Variants in NSUN2 observed in about 807,000 individuals in gnomAD.
The protein encoded by NSUN2 is NOP2/Sun RNA methyltransferase 2, also known as RNA cytosine C(5)-methyltransferase NSUN2.
Under a neutral mutation model 92.7 loss-of-function variants are expected in NSUN2, and 63 were observed. That is an observed-to-expected ratio of 0.68 (90% confidence interval 0.56 to 0.84). NSUN2 has a LOEUF of 0.84. NSUN2 is among the 40% of genes least tolerant of loss of function. The pLI is 0.00. For missense variants in NSUN2, 989 were observed against 964.9 expected (o/e 1.02, Z -0.33); for synonymous variants, 356 against 348.3 (o/e 1.02, Z -0.25).
intron 4 of NSUN2, among the ~76,000 whole-genome samples, chr5:6,625,363 A>G (rs988810434): frequency 6.6e-6 from 1 of 152,212 alleles, no homozygotes; most frequent in Non-Finnish European, 1.5e-5. Flanking sequence ...TCCTTACTAA[A>G]TTTCATGACT....
At chr5:6,624,576 T>C (rs1394849945) in intron 4 of NSUN2, among the ~76,000 whole-genome samples, 1 of 152,232 alleles carries the variant, frequency 6.6e-6, no homozygotes, top group Non-Finnish European at 1.5e-5. Context: ...TACTGATCTC[T>C]ATTTGGCCTT....
At chr5:6,624,654 T>C (rs535351417) in intron 4 of NSUN2, among the ~76,000 whole-genome samples, 2 of 152,220 alleles carry the variant, frequency 1.3e-5, no homozygotes, top group African/African-American at 2.4e-5. Context: ...AATGGGGTTA[T>C]GTGGCAGCAC....
chr5:6,605,438 C>A, intron 14 of NSUN2, 30 bp from the exon 15 acceptor site: 1 of 1,609,290 alleles, frequency 6.2e-7, no homozygotes, highest in East Asian at 2.2e-5. Context: ...TGTTTATCCA[C>A]AATGAGTTCA....
At chr5:6,621,488 C>G (rs549313) in intron 6 of NSUN2, 5,425 of 152,352 alleles carry the variant, frequency 0.036, 314 homozygotes, top group African/African-American at 0.12. Context: ...GTGGCTCACA[C>G]CTGTAATCCC....
intron 13 of NSUN2, 108 bp downstream of exon 13, chr5:6,607,092 T>C: frequency 3.4e-6 from 4 of 1,167,228 alleles, no homozygotes; most frequent in Non-Finnish European, 5.1e-6. Flanking sequence ...ATACCACACA[T>C]GTACTGCCCC....
At chr5:6,618,708 AC>A (rs1421158799) in intron 7 of NSUN2, among the ~76,000 whole-genome samples, 25 of 152,264 alleles carry the variant, frequency 1.6e-4, no homozygotes, top group Non-Finnish European at 5.9e-5. Context: ...CTGACTTTCT[AC>A]TTTTATTTAA....
rs1352159376 is a variant in NSUN2 at position 6,602,324 on chromosome 5, C to T, written c.1997+137G>A. On this transcript the variant is annotated intron_variant, in intron 18 of 18. Coordinates refer to ENST00000264670, the MANE Select transcript of NSUN2 (RefSeq NM_017755.6). The stretch of plus-strand genomic sequence containing the variant: ...GAATATTTTGGTTCTGAAGTTTTCA[C>T]AAGGCTACTTCTGAGGAACAATCAC... The T allele has an allele frequency of 7.3e-6, 6 of 818,706 alleles. No individual in the cohort carries two copies. In the East Asian group the frequency reaches 9.8e-5, roughly 13 times the overall value. The allele number at this position is 818,706 out of a possible 1,614,324, so 50.7% of individuals were successfully genotyped here.
At chr5:6,607,457 C>G (rs1179374229) in intron 12 of NSUN2, 73 bp from the exon 13 acceptor site, 1 of 1,267,878 alleles carries the variant, frequency 7.9e-7, no homozygotes, top group Admixed American at 2.2e-5. Context: ...GTTAAAAATA[C>G]CACGTTCACA....
chr5:6,600,540 C>T (rs1218661226), intron 18 of NSUN2, among the ~76,000 whole-genome samples: 1 of 152,168 alleles, frequency 6.6e-6, no homozygotes, highest in Non-Finnish European at 1.5e-5. Flanking sequence ...TCAAACTTAA[C>T]TTACTGTCCC....
At chr5:6,629,140 G>A (rs1737768800) in intron 3 of NSUN2, among the ~76,000 whole-genome samples, 1 of 152,224 alleles carries the variant, frequency 6.6e-6, no homozygotes, top group South Asian at 2.1e-4. Context: ...TCAGCTGTGT[G>A]TTCAGAAAAT....
chr5:6,609,008 G>C (rs141166423), intron 12 of NSUN2, among the ~76,000 whole-genome samples: 22 of 152,300 alleles, frequency 1.4e-4, no homozygotes, highest in African/African-American at 4.1e-4. Context: ...CGCCCCCTTT[G>C]CCCGTCTGAG....
chr5:6,602,090 A>C lies in NSUN2; in HGVS notation c.1997+371T>G, dbSNP rs548686267. On this transcript the variant is annotated intron_variant, in intron 18 of 18. Transcript: ENST00000264670. Reference sequence around the variant, plus strand: ...ACTCCTGATGCAGTAACATGTCAGCAACACACATGGCTGAACCAGCCATGA... The same window carrying C: ...ACTCCTGATGCAGTAACATGTCAGCCACACACATGGCTGAACCAGCCATGA... 2.0e-5 allele frequency among the ~76,000 whole-genome samples: 3 copies of C among 152,352 alleles called. No individual in the cohort carries two copies. In the South Asian group the frequency reaches 6.2e-4, roughly 32 times the overall value.
intron 14 of NSUN2, 88 bp from the exon 15 acceptor site, chr5:6,605,496 T>C (rs1439926881): frequency 4.2e-6 from 6 of 1,436,244 alleles, no homozygotes; most frequent in Non-Finnish European, 5.8e-6. Flanking sequence ...CCTCCAGAAT[T>C]CAATCCCCAA....
chr5:6,607,287 G>A lies in NSUN2; in HGVS notation c.1421C>T (p.Pro474Leu), dbSNP rs374268482. The A allele has an allele frequency of 1.6e-5, 26 of 1,614,028 alleles. No individual in the cohort carries two copies. The highest frequency in any genetic ancestry group is 4.5e-5 in the East Asian group (2 of 44,896). Residue 474 changes from proline (P) to leucine (L), a missense_variant, in exon 13 of 19, where the codon CCG becomes CTG. By Grantham distance (98) the Pro-to-Leu change is moderately conservative. Transcript: ENST00000264670. ...TGTGTCACCAGTTCCTGTGAATGACGGACTTTCCAGCTTAGAGGGATCTGT... is the reference window on the plus strand; with the variant it reads ...TGTGTCACCAGTTCCTGTGAATGACAGACTTTCCAGCTTAGAGGGATCTGT... ...KPTDPSKLES[P>L]SFTGTGDTEI...
intron 18 of NSUN2, among the ~76,000 whole-genome samples, chr5:6,601,462 C>A (rs764647200): frequency 2.2e-4 from 33 of 152,048 alleles, no homozygotes; most frequent in Non-Finnish European, 4.1e-4. Context: ...ACCTCTCCAG[C>A]CCATCCATCT....
chr5:6,614,057 C>G (rs1273441418), intron 9 of NSUN2, among the ~76,000 whole-genome samples: 5 of 141,496 alleles, frequency 3.5e-5, no homozygotes, highest in Non-Finnish European at 7.5e-5. Flanking sequence ...GATGGCGCCA[C>G]TGCACTCCAG....
intron 10 of NSUN2, 81 bp from the exon 11 acceptor site, chr5:6,611,166 C>T: frequency 6.7e-7 from 1 of 1,482,984 alleles, no homozygotes. Context: ...TATCCATTCT[C>T]TCAAAGGTGA....
At chr5:6,612,564 C>T (rs1290085461) in intron 9 of NSUN2, among the ~76,000 whole-genome samples, 1 of 152,170 alleles carries the variant, frequency 6.6e-6, no homozygotes, top group African/African-American at 2.4e-5. Flanking sequence ...ACTGATGTGA[C>T]AGCCTCTCAG....
At chr5:6,617,839 CCT>C (rs1737273659) in intron 8 of NSUN2, 109 bp downstream of exon 8, 1 of 766,474 alleles carries the variant, frequency 1.3e-6, no homozygotes, top group East Asian at 2.8e-5. Context: ...CATTGACCAT[CCT>C]CTGATGCTTA....
Sources: allele counts gnomAD v4.1 joint callset (sites outside exome capture counted in the v4.1 genomes callset), GRCh38; gene constraint gnomAD v4.1.1; transcripts MANE v1.5; gene names NCBI Gene and HGNC (gene_info 2026-07-23, HGNC 2026-07-21).